GABRB3: variants seen among roughly 807,000 people sequenced by gnomAD.
GABRB3 encodes gamma-aminobutyric acid receptor subunit beta-3.
A neutral mutation model predicts 52.1 loss-of-function variants in GABRB3; 14 were observed. The observed-to-expected ratio is 0.27, with a 90% CI of 0.18 to 0.42. The LOEUF (loss-of-function observed/expected upper bound fraction) is 0.42. GABRB3 is among the 10% of genes least tolerant of loss of function. GABRB3 has a pLI of 1.00. For missense variants in GABRB3, 307 were observed against 609.1 expected (o/e 0.50, Z 5.22); for synonymous variants, 260 against 232.3 (o/e 1.12, Z -1.08).
rs1189040298 is a variant in GABRB3, at chr15:26,544,364, CA to C, written c.*3428del. 2 of 152,568 alleles carry C rather than the reference CA, an allele frequency of 1.3e-5. No homozygotes were observed. The highest frequency in any genetic ancestry group is 2.9e-5 in the Non-Finnish European group (2 of 68,038). 9.5% of individuals were successfully genotyped at this position (152,568 alleles called of 1,614,324 possible). A position where few individuals can be genotyped will look rare whatever the true frequency, so the allele number is the denominator to read the frequency against. ...GGCATCACCTTTGAGATGATCTCCT[CA>C]GTAAAAATGTCAACGCTGTGTTTGG... On this transcript the variant is annotated 3_prime_UTR_variant, in exon 9 of 9. Coordinates refer to ENST00000311550, the MANE Select transcript of GABRB3 (RefSeq NM_000814.6).
intron 3 of GABRB3, among the ~76,000 whole-genome samples, chr15:26,635,606 G>A (rs886499514): frequency 9.9e-5 from 15 of 152,110 alleles, no homozygotes; most frequent in African/African-American, 2.9e-4. Flanking sequence ...TGCCAGAACC[G>A]TACCAGTCAA....
chr15:26,630,080 A>G (rs1892871791), intron 3 of GABRB3, among the ~76,000 whole-genome samples: 1 of 152,104 alleles, frequency 6.6e-6, no homozygotes, highest in Non-Finnish European at 1.5e-5. Context: ...CCAAACCCTC[A>G]CCAGGGAAGG....
rs534972378 is a variant in GABRB3, at chr15:26,744,425, C to A, written c.240+27977G>T. ...TTTCAACTTAACTCATCAACAATAA[C>A]AGAAAACTTTTTTTTTTTGAGACAG... is the stretch of plus-strand genomic sequence containing the variant. On this transcript the variant is annotated intron_variant, in intron 3 of 8. Coordinates refer to ENST00000311550, the MANE Select transcript of GABRB3 (RefSeq NM_000814.6). Among the ~76,000 whole-genome samples, 3 of 94,234 alleles carry A rather than the reference C, an allele frequency of 3.2e-5. No homozygotes were observed. In the South Asian group the frequency reaches 1.3e-3, roughly 41 times the overall value. The allele number at this position is 94,234 out of a possible 152,430, so 61.8% of individuals were successfully genotyped here. A position where few individuals can be genotyped will look rare whatever the true frequency, so the allele number is the denominator to read the frequency against.
chr15:26,688,783 C>G (rs575155881), intron 3 of GABRB3, among the ~76,000 whole-genome samples: 2 of 152,244 alleles, frequency 1.3e-5, no homozygotes, highest in South Asian at 2.1e-4. Context: ...AGCTGGCTAC[C>G]CAGGCTGAAC....
intron 3 of GABRB3, among the ~76,000 whole-genome samples, chr15:26,741,540 C>T (rs74629286): frequency 0.013 from 1,921 of 152,288 alleles, 45 homozygotes; most frequent in African/African-American, 0.044. Flanking sequence ...AAATTCATGT[C>T]CATCCTACGT....
At chr15:26,551,486 G>A (rs1366163369) in intron 8 of GABRB3, among the ~76,000 whole-genome samples, 1 of 152,186 alleles carries the variant, frequency 6.6e-6, no homozygotes, top group African/African-American at 2.4e-5. Flanking sequence ...CAGCAACGCT[G>A]GGCCTTCGCC....
At chr15:26,650,179 C>A (rs1312367603) in intron 3 of GABRB3, among the ~76,000 whole-genome samples, 1 of 152,148 alleles carries the variant, frequency 6.6e-6, no homozygotes, top group African/African-American at 2.4e-5. Flanking sequence ...ATGTACATCA[C>A]CCCACCACCT....
chr15:26,709,742 C>T (rs1378704408), intron 3 of GABRB3, among the ~76,000 whole-genome samples: 2 of 152,082 alleles, frequency 1.3e-5, no homozygotes, highest in Non-Finnish European at 2.9e-5. Context: ...TGGTCTCAAT[C>T]TCCTGACCTT....
At chr15:26,650,780 C>T (rs1179503530) in intron 3 of GABRB3, among the ~76,000 whole-genome samples, 1 of 152,126 alleles carries the variant, frequency 6.6e-6, no homozygotes, top group Admixed American at 6.5e-5. Flanking sequence ...TCAGCATGCA[C>T]TTCCCATCCT....
chr15:26,753,300 C>T (rs933524867), intron 3 of GABRB3, among the ~76,000 whole-genome samples: 2 of 152,078 alleles, frequency 1.3e-5, no homozygotes, highest in East Asian at 1.9e-4. Flanking sequence ...CAAGAAGAAT[C>T]GACTGATAAT....
chr15:26,699,954 A>G (rs1291713618), intron 3 of GABRB3, among the ~76,000 whole-genome samples: 1 of 151,958 alleles, frequency 6.6e-6, no homozygotes, highest in Non-Finnish European at 1.5e-5. Flanking sequence ...AAAATTAGAT[A>G]ATATTAAACC....
intron 3 of GABRB3, among the ~76,000 whole-genome samples, chr15:26,685,781 T>C (rs1260306696): frequency 6.6e-6 from 1 of 150,594 alleles, no homozygotes; most frequent in African/African-American, 2.4e-5. Context: ...ATTGGACTGA[T>C]CTCAGTAGTA....
intron 3 of GABRB3, among the ~76,000 whole-genome samples, chr15:26,699,992 A>G (rs1888873939): frequency 6.6e-6 from 1 of 152,076 alleles, no homozygotes; most frequent in Non-Finnish European, 1.5e-5. Flanking sequence ...AGAAAATAAT[A>G]AAGATCAGAT....
chr15:26,583,478 T>G, intron 4 of GABRB3, 64 bp from the exon 5 acceptor site: 1 of 1,371,550 alleles, frequency 7.3e-7, no homozygotes, highest in Non-Finnish European at 1.0e-6. Flanking sequence ...GGGAGACTCC[T>G]CTTAGATAAA....
At chr15:26,696,484 C>A (rs1888744891) in intron 3 of GABRB3, among the ~76,000 whole-genome samples, 1 of 152,122 alleles carries the variant, frequency 6.6e-6, no homozygotes, top group Non-Finnish European at 1.5e-5. Flanking sequence ...TGCAATCTTA[C>A]CTCCCATATA....
intron 3 of GABRB3, among the ~76,000 whole-genome samples, chr15:26,641,862 TAC>T (rs1362086421): frequency 2.6e-5 from 4 of 152,126 alleles, no homozygotes; most frequent in African/African-American, 7.2e-5. Context: ...GGCCCACTTA[TAC>T]ACAGATTGTT....
At chr15:26,738,953 T>C (rs1205056539) in intron 3 of GABRB3, among the ~76,000 whole-genome samples, 1 of 152,190 alleles carries the variant, frequency 6.6e-6, no homozygotes, top group African/African-American at 2.4e-5. Context: ...AAGAAAGACC[T>C]AGGATGTATT....
chr15:26,623,760 C>G (rs773536003), intron 3 of GABRB3, among the ~76,000 whole-genome samples: 3 of 152,034 alleles, frequency 2.0e-5, no homozygotes, highest in Admixed American at 6.5e-5. Context: ...ATTATTTAAA[C>G]CAGCCAATTC....
intron 3 of GABRB3, among the ~76,000 whole-genome samples, chr15:26,684,784 CT>C (rs1888350748): frequency 6.6e-6 from 1 of 152,146 alleles, no homozygotes; most frequent in African/African-American, 2.4e-5. Flanking sequence ...TCGCCGTCTT[CT>C]ATGGGTGCTG....
Sources: allele counts gnomAD v4.1 joint callset (sites outside exome capture counted in the v4.1 genomes callset), GRCh38; gene constraint gnomAD v4.1.1; transcripts MANE v1.5; gene names NCBI Gene and HGNC (gene_info 2026-07-23, HGNC 2026-07-21).